Variants in IL1RAPL2 observed in about 807,000 individuals in gnomAD.
IL1RAPL2 encodes X-linked interleukin-1 receptor accessory protein-like 2.
IL1RAPL2 carries 3 observed loss-of-function variants against 44.1 expected under a neutral mutation model. The observed-to-expected ratio is 0.07, with a 90% confidence interval of 0.03 to 0.18. The LOEUF (loss-of-function observed/expected upper bound fraction) is 0.18, where lower values mean the gene tolerates loss of function less well. Among genes scored for constraint, IL1RAPL2 ranks in the 10% least tolerant of loss-of-function variants. IL1RAPL2 has a pLI of 1.00. For synonymous variants in IL1RAPL2, 181 were observed against 178.8 expected (o/e 1.01, Z -0.10); for missense variants, 391 against 496.4 (o/e 0.79, Z 2.02).
chrX:105,394,043 T>A (rs1454714802), intron 5 of IL1RAPL2, among the ~76,000 whole-genome samples: 1 of 112,171 alleles, frequency 8.9e-6, no homozygotes, highest in Non-Finnish European at 1.9e-5. Context: ...GTTTGTGAAA[T>A]GGCTTTGGAT....
At chrX:104,986,593 T>C (rs140407616) in intron 2 of IL1RAPL2, among the ~76,000 whole-genome samples, 1,260 of 112,196 alleles carry the variant, frequency 0.011, 19 homozygotes, top group African/African-American at 0.038. Flanking sequence ...TTGGCTGAAT[T>C]ATCTGAGTGA....
intron 5 of IL1RAPL2, among the ~76,000 whole-genome samples, chrX:105,401,993 A>C (rs188275992): frequency 9.0e-6 from 1 of 110,616 alleles, no homozygotes; most frequent in Admixed American, 9.6e-5. Context: ...TCACTTTCCT[A>C]ATCTGCCATT....
chrX:105,536,311 TA>T (rs1207113157), intron 6 of IL1RAPL2, among the ~76,000 whole-genome samples: 1 of 109,538 alleles, frequency 9.1e-6, no homozygotes, highest in Non-Finnish European at 1.9e-5. Flanking sequence ...CTTAAAATAA[TA>T]AAAGTTACAA....
At chrX:104,768,374 C>A (rs1334055122) in intron 2 of IL1RAPL2, among the ~76,000 whole-genome samples, 1 of 111,534 alleles carries the variant, frequency 9.0e-6, no homozygotes, top group Non-Finnish European at 1.9e-5. Flanking sequence ...AAGAACATAT[C>A]AAATGATGCC....
intron 2 of IL1RAPL2, among the ~76,000 whole-genome samples, chrX:105,181,992 G>A (rs948813940): frequency 3.8e-4 from 41 of 107,913 alleles, no homozygotes; most frequent in African/African-American, 1.3e-3. Flanking sequence ...GCGTGAACCC[G>A]GGAGGTGGAG....
intron 1 of IL1RAPL2, among the ~76,000 whole-genome samples, chrX:104,652,558 A>C (rs1358434626): frequency 8.9e-6 from 1 of 112,063 alleles, no homozygotes; most frequent in Non-Finnish European, 1.9e-5. Flanking sequence ...TGAAGTTTAC[A>C]TTCTAGTGGG....
chrX:105,288,082 A>G (rs1443862505), intron 5 of IL1RAPL2, among the ~76,000 whole-genome samples: 1 of 111,330 alleles, frequency 9.0e-6, no homozygotes, highest in Non-Finnish European at 1.9e-5. Flanking sequence ...GGGGAAAGCC[A>G]AAAAAGTGGA....
At chrX:105,688,643 C>T (rs2038006442) in intron 6 of IL1RAPL2, among the ~76,000 whole-genome samples, 1 of 111,858 alleles carries the variant, frequency 8.9e-6, no homozygotes, top group African/African-American at 3.3e-5. Flanking sequence ...AATGGCCATG[C>T]TGCCCAAAGT....
chrX:104,637,780 GTGTGTGTGTGTGTGTGTGTGTC>G (rs1286863632), intron 1 of IL1RAPL2, among the ~76,000 whole-genome samples: 2 of 32,939 alleles, frequency 6.1e-5, no homozygotes, highest in South Asian at 7.1e-4. Flanking sequence ...TTTTGTGTAT[GTGTGTGTGTGTGTGTGTGTGTC>G]TGTGTGTGTG....
intron 2 of IL1RAPL2, among the ~76,000 whole-genome samples, chrX:104,690,507 G>A (rs1931073273): frequency 1.8e-5 from 2 of 112,342 alleles, no homozygotes; most frequent in South Asian, 3.7e-4. Flanking sequence ...TACTGCAAAA[G>A]CCTCAAGTGG....
intron 6 of IL1RAPL2, among the ~76,000 whole-genome samples, chrX:105,578,018 C>T (rs1303120827): frequency 2.9e-5 from 3 of 102,381 alleles, no homozygotes; most frequent in Admixed American, 1.1e-4. Flanking sequence ...TCTCCTAATA[C>T]TATCCCTCTC....
At chrX:105,630,087 A>C (rs764825899) in intron 6 of IL1RAPL2, among the ~76,000 whole-genome samples, 1 of 111,770 alleles carries the variant, frequency 8.9e-6, no homozygotes, top group African/African-American at 3.2e-5. Flanking sequence ...TTAAGCCAAC[A>C]GTAAATCAAA....
rs756027003 is a variant in IL1RAPL2, at chrX:105,014,276, T to C, written c.83-181199T>C. 3.6e-5 allele frequency among the ~76,000 whole-genome samples: 4 copies of C among 111,593 alleles called. No homozygotes were observed. The Admixed American group carries it at 3.8e-4, about 11-fold the overall frequency. On this transcript the variant is annotated intron_variant, in intron 2 of 10. Coordinates refer to ENST00000372582, the MANE Select transcript of IL1RAPL2 (RefSeq NM_017416.2). ...GAATGTGTAATGATTATAATTCTCTTCTTAAAACTGTATATGTTCCAAGCT... is the reference window on the plus strand; with the variant it reads ...GAATGTGTAATGATTATAATTCTCTCCTTAAAACTGTATATGTTCCAAGCT...
At chrX:104,709,772 A>G (rs1931423811) in intron 2 of IL1RAPL2, among the ~76,000 whole-genome samples, 1 of 111,486 alleles carries the variant, frequency 9.0e-6, no homozygotes, top group Non-Finnish European at 1.9e-5. Flanking sequence ...ATTAGTATCC[A>G]GAATATATAA....
intron 5 of IL1RAPL2, among the ~76,000 whole-genome samples, chrX:105,428,509 C>T (rs949211108): frequency 2.7e-5 from 3 of 111,681 alleles, no homozygotes; most frequent in Non-Finnish European, 5.7e-5. Flanking sequence ...CACCTTCACC[C>T]TGCATCTCCT....
chrX:105,473,950 G>C (rs1345906658), intron 5 of IL1RAPL2, among the ~76,000 whole-genome samples: 1 of 111,289 alleles, frequency 9.0e-6, no homozygotes, highest in Non-Finnish European at 1.9e-5. Context: ...CTTGTGGCAT[G>C]GTAGTAGGCA....
intron 2 of IL1RAPL2, among the ~76,000 whole-genome samples, chrX:105,098,767 G>A (rs1397385854): frequency 1.8e-5 from 2 of 109,786 alleles, no homozygotes; most frequent in Non-Finnish European, 3.8e-5. Flanking sequence ...TTGGGAAGTT[G>A]TCCATTTTCA....
At chrX:104,906,606 A>G (rs1265998837) in intron 2 of IL1RAPL2, among the ~76,000 whole-genome samples, 1 of 112,060 alleles carries the variant, frequency 8.9e-6, no homozygotes, top group African/African-American at 3.2e-5. Flanking sequence ...GCTGGATTAC[A>G]TTTACTGATT....
chrX:104,629,300 A>G (rs1042319769), intron 1 of IL1RAPL2, among the ~76,000 whole-genome samples: 3 of 111,675 alleles, frequency 2.7e-5, no homozygotes, highest in African/African-American at 9.8e-5. Context: ...AGTTTTTTTC[A>G]TATACCTGTT....
Sources: gnomAD v4.1 joint callset for allele counts (sites outside exome capture counted in the v4.1 genomes callset) on GRCh38, gnomAD v4.1.1 for gene constraint, MANE v1.5 for transcripts, NCBI Gene and HGNC (gene_info 2026-07-23, HGNC 2026-07-21) for gene names.